Variants in EGFR observed in about 807,000 individuals in gnomAD.
EGFR encodes the protein epidermal growth factor receptor, also known as avian erythroblastic leukemia viral (v-erb-b) oncogene homolog.
EGFR carries 58 observed loss-of-function variants against 143.0 expected under a neutral mutation model. The ratio of observed to expected loss-of-function variants is 0.41; its 90% CI spans 0.33 to 0.50. The LOEUF (loss-of-function observed/expected upper bound fraction) is 0.50, where lower values mean the gene tolerates loss of function less well. Ranked by LOEUF, EGFR falls within the 20% of genes least tolerant of loss-of-function variation. EGFR has a pLI of 0.39. For synonymous variants in EGFR, 613 were observed against 594.4 expected, an observed-to-expected ratio of 1.03 and a Z score of -0.45; for missense variants, 1,307 against 1,579.0, an observed-to-expected ratio of 0.83 and a Z score of 2.92.
At chr7:55,084,612 A>G (rs1790652253) in intron 1 of EGFR, among the ~76,000 whole-genome samples, 1 of 152,252 alleles carries the variant, frequency 6.6e-6, no homozygotes, top group South Asian at 2.1e-4. Flanking sequence ...TCTGTTGATT[A>G]GAAGAGTTCA....
chr7:55,085,051 C>T (rs1444035088), intron 1 of EGFR, among the ~76,000 whole-genome samples: 1 of 152,202 alleles, frequency 6.6e-6, no homozygotes, highest in Non-Finnish European at 1.5e-5. Flanking sequence ...AATTCTCCTT[C>T]CCTTCCCCAG....
intron 19 of EGFR, among the ~76,000 whole-genome samples, chr7:55,175,492 T>C (rs1046375264): frequency 5.9e-5 from 9 of 152,172 alleles, no homozygotes; most frequent in African/African-American, 2.2e-4. Context: ...CCCCAGCCAG[T>C]GGTGGGAAGA....
rs753369607 is a variant in EGFR, at chr7:55,163,727, T to C, written c.1632-6T>C. 2.5e-6 allele frequency: 4 copies of C among 1,614,042 alleles called. No individual in the cohort carries two copies. In the Admixed American group the frequency reaches 6.7e-5, roughly 27 times the overall value. ...GGGCTGACGGGTTTCCTCTTCCTCC[T>C]CTCAGTGAGCCAAGGGAGTTTGTGG... On this transcript the variant is annotated splice_polypyrimidine_tract_variant and splice_region_variant and intron_variant, in intron 13 of 27. Transcript: ENST00000275493.
At chr7:55,160,910 G>C (rs17290026) in intron 12 of EGFR, among the ~76,000 whole-genome samples, 1 of 152,178 alleles carries the variant, frequency 6.6e-6, no homozygotes, top group East Asian at 1.9e-4. Flanking sequence ...TGATTCCTAC[G>C]CCGTAGTGCT....
intron 3 of EGFR, among the ~76,000 whole-genome samples, chr7:55,144,172 C>A (rs1353910127): frequency 6.6e-6 from 1 of 152,170 alleles, no homozygotes; most frequent in African/African-American, 2.4e-5. Context: ...TGTACAGATG[C>A]CCCTTGACTT....
At chr7:55,147,889 T>C (rs1794851668) in intron 4 of EGFR, among the ~76,000 whole-genome samples, 1 of 152,258 alleles carries the variant, frequency 6.6e-6, no homozygotes, top group Non-Finnish European at 1.5e-5. Flanking sequence ...GTATCTGTCC[T>C]TTTGTGTCTG....
chr7:55,029,884 T>A (rs934687545), intron 1 of EGFR, among the ~76,000 whole-genome samples: 1 of 152,230 alleles, frequency 6.6e-6, no homozygotes, highest in African/African-American at 2.4e-5. Flanking sequence ...AAGATATGTA[T>A]TTAAACATGC....
At position 55,210,033 on chromosome 7, in the gene EGFR, A is replaced by AAATG. The variant is rs1788202119; in HGVS notation, c.*4416_*4417insAATG. 1 of 152,174 alleles carries AAATG rather than the reference A, an allele frequency of 6.6e-6. No individual in the cohort carries two copies. Among genetic ancestry groups the AAATG allele is most frequent in the Non-Finnish European group, 1.5e-5 (1 of 68,040 alleles). The allele number at this position is 152,174 out of a possible 1,614,324, so 9.4% of individuals were successfully genotyped here. Reference sequence around the variant, plus strand: ...TTTTATATTTAGGAAATTTTAAAAGATGATGGAAAGCACATTTAGCTTGGT... The same window carrying AAATG: ...TTTTATATTTAGGAAATTTTAAAAGAAATGTGATGGAAAGCACATTTAGCTTGGT... On this transcript the variant is annotated 3_prime_UTR_variant, in exon 28 of 28. Transcript: ENST00000275493.
intron 8 of EGFR, 102 bp from the exon 9 acceptor site, chr7:55,156,431 C>T (rs1584179883): frequency 1.3e-6 from 2 of 1,530,662 alleles, no homozygotes; most frequent in Non-Finnish European, 1.8e-6. Context: ...AGTGGCGGTT[C>T]CGGTGACCGG....
intron 1 of EGFR, among the ~76,000 whole-genome samples, chr7:55,122,938 C>G (rs1793297497): frequency 6.6e-6 from 1 of 152,242 alleles, no homozygotes; most frequent in African/African-American, 2.4e-5. Flanking sequence ...CAGTATATAG[C>G]TGATTAATTG....
chr7:55,169,006 C>T (rs1038303311), intron 15 of EGFR, among the ~76,000 whole-genome samples: 5 of 152,100 alleles, frequency 3.3e-5, no homozygotes, highest in South Asian at 4.1e-4. Context: ...GCCCAGACTA[C>T]AGCATAAGCA....
At chr7:55,177,777 G>A (rs774996902) in intron 19 of EGFR, among the ~76,000 whole-genome samples, 3 of 152,252 alleles carry the variant, frequency 2.0e-5, no homozygotes, top group Admixed American at 6.5e-5. Context: ...CCAACTGTGC[G>A]CTCTGCCTGC....
intron 1 of EGFR, among the ~76,000 whole-genome samples, chr7:55,087,404 C>T (rs920318345): frequency 1.3e-5 from 2 of 152,052 alleles, no homozygotes; most frequent in African/African-American, 4.8e-5. Flanking sequence ...TTCTCAGGCC[C>T]TGCGTAGGGC....
At chr7:55,058,713 C>G (rs1335966413) in intron 1 of EGFR, among the ~76,000 whole-genome samples, 1 of 152,024 alleles carries the variant, frequency 6.6e-6, no homozygotes, top group Non-Finnish European at 1.5e-5. Flanking sequence ...GGGAGAGAAG[C>G]AGAAAAAATA....
chr7:55,138,465 T>C (rs1794282238), intron 1 of EGFR, among the ~76,000 whole-genome samples: 1 of 152,262 alleles, frequency 6.6e-6, no homozygotes, highest in African/African-American at 2.4e-5. Flanking sequence ...AAGTACTATG[T>C]ATTCATTTTT....
At chr7:55,076,122 C>A (rs1481504009) in intron 1 of EGFR, among the ~76,000 whole-genome samples, 1 of 152,166 alleles carries the variant, frequency 6.6e-6, no homozygotes, top group Non-Finnish European at 1.5e-5. Context: ...TTATAACATT[C>A]TGTTAGTAGT....
intron 1 of EGFR, among the ~76,000 whole-genome samples, chr7:55,094,110 GT>G (rs1342424021): frequency 2.0e-5 from 3 of 152,188 alleles, no homozygotes; most frequent in Non-Finnish European, 1.5e-5. Flanking sequence ...CCAAGGAAAA[GT>G]TTTTTCTGAA....
chr7:55,082,893 C>T (rs572389140), intron 1 of EGFR, among the ~76,000 whole-genome samples: 1 of 152,344 alleles, frequency 6.6e-6, no homozygotes, highest in Admixed American at 6.5e-5. Flanking sequence ...TCTCCCCAGC[C>T]TCTGGTGTTC....
At chr7:55,203,813 TAAAG>T (rs1439845424) in intron 27 of EGFR, among the ~76,000 whole-genome samples, 3 of 149,728 alleles carry the variant, frequency 2.0e-5, no homozygotes, top group Admixed American at 1.3e-4. Flanking sequence ...CACACATGTA[TAAAG>T]ATTTAGATAT....
Sources: allele counts gnomAD v4.1 joint callset (sites outside exome capture counted in the v4.1 genomes callset), GRCh38; gene constraint gnomAD v4.1.1; transcripts MANE v1.5; gene names NCBI Gene and HGNC (gene_info 2026-07-23, HGNC 2026-07-21).